The following FGD5 variants were observed in gnomAD, a reference collection of about 807,000 sequenced individuals.
FGD5 encodes FYVE, RhoGEF and PH domain containing 5.
In FGD5, 28 loss-of-function variants were observed where a neutral mutation model predicts 133.4. The ratio of observed to expected loss-of-function variants is 0.21; its 90% confidence interval spans 0.16 to 0.29. The LOEUF is 0.29. Among genes scored for constraint, FGD5 ranks in the 10% least tolerant of loss-of-function variants. FGD5 has a pLI of 1.00. For missense variants in FGD5, 1,858 were observed against 1,895.2 expected (o/e 0.98, Z 0.36); for synonymous variants, 810 against 776.5 (o/e 1.04, Z -0.72).
chr3:14,921,355 C>T (rs1425301480), intron 13 of FGD5: 4 of 158,198 alleles, frequency 2.5e-5, no homozygotes, highest in African/African-American at 9.6e-5. Flanking sequence ...GAACTTCACC[C>T]AGCTAGCTGG....
chr3:14,880,875 A>C (rs370331716), intron 4 of FGD5, 103 bp downstream of exon 4: 1 of 1,460,958 alleles, frequency 6.8e-7, no homozygotes, highest in East Asian at 2.4e-5. Context: ...TTCCATTAAC[A>C]GAGGCCTGGC....
At chr3:14,871,130 T>C (rs1338667436) in intron 2 of FGD5, among the ~76,000 whole-genome samples, 1 of 152,226 alleles carries the variant, frequency 6.6e-6, no homozygotes, top group Non-Finnish European at 1.5e-5. Flanking sequence ...TCCTAGATCT[T>C]CTGCCATACT....
chr3:14,835,373 G>A (rs1335736628), intron 1 of FGD5, among the ~76,000 whole-genome samples: 4 of 152,130 alleles, frequency 2.6e-5, no homozygotes, highest in African/African-American at 7.2e-5. Flanking sequence ...GGTGGTGCAT[G>A]CCTGTAGTTC....
chr3:14,876,874 G>C (rs991558079), intron 2 of FGD5, among the ~76,000 whole-genome samples: 1 of 152,224 alleles, frequency 6.6e-6, no homozygotes, highest in Non-Finnish European at 1.5e-5. Context: ...TTGACTCTTT[G>C]TGTGACCCGC....
intron 4 of FGD5, among the ~76,000 whole-genome samples, chr3:14,886,674 G>C (rs934322919): frequency 6.6e-6 from 1 of 152,168 alleles, no homozygotes; most frequent in Non-Finnish European, 1.5e-5. Flanking sequence ...TTCCCTGTTT[G>C]AAATTACCTA....
intron 13 of FGD5, chr3:14,920,566 C>G (rs2038656475): frequency 6.6e-6 from 1 of 152,182 alleles, no homozygotes. Flanking sequence ...CGTTGTTGTG[C>G]TCTCCAGGAG....
chr3:14,830,500 T>G (rs564815609), intron 1 of FGD5, among the ~76,000 whole-genome samples: 1 of 152,312 alleles, frequency 6.6e-6, no homozygotes, highest in East Asian at 1.9e-4. Flanking sequence ...GTAGATAAGA[T>G]CCTGATTAAG....
intron 11 of FGD5, among the ~76,000 whole-genome samples, chr3:14,911,813 G>A (rs1378943954): frequency 6.7e-6 from 1 of 149,630 alleles, no homozygotes; most frequent in Non-Finnish European, 1.5e-5. Flanking sequence ...AGAGGACTAA[G>A]GAGGGCCAGG....
chr3:14,897,892 G>A (rs1403304460), intron 5 of FGD5, 47 bp from the exon 6 acceptor site: 1 of 1,611,294 alleles, frequency 6.2e-7, no homozygotes, highest in Admixed American at 1.7e-5. Context: ...CCCTGCGTTG[G>A]TTACAAGGCT....
At position 14,926,219 on chromosome 3, in the gene FGD5, C is replaced by T. The variant is rs368890703; in HGVS notation, c.4197+21C>T. 3 of 1,611,472 alleles carry T rather than the reference C, an allele frequency of 1.9e-6. No homozygotes were observed. In the African/African-American group the frequency reaches 4.0e-5, roughly 22 times the overall value. Reference sequence around the variant, plus strand: ...GTGAGGTAGTAGTGATCTGCACTCTCTCCCCTCTCCTCTCTCCTGTGAAAT... The same window carrying T: ...GTGAGGTAGTAGTGATCTGCACTCTTTCCCCTCTCCTCTCTCCTGTGAAAT... On this transcript the variant is annotated intron_variant, in intron 18 of 19. Coordinates refer to ENST00000285046, the MANE Select transcript of FGD5 (RefSeq NM_152536.4).
rs1394906106 is a variant in FGD5, at chr3:14,933,209, A to G, written c.*42A>G. 1.9e-6 allele frequency: 3 copies of G among 1,604,152 alleles called. No individual in the cohort carries two copies. Among genetic ancestry groups the G allele is most frequent in the Non-Finnish European group, 1.7e-6 (2 of 1,174,110 alleles). On this transcript the variant is annotated 3_prime_UTR_variant, in exon 20 of 20. Coordinates refer to ENST00000285046, the MANE Select transcript of FGD5 (RefSeq NM_152536.4). ...GGACTTGTAACAAATTCTTAGGTCAATATGTGAATGCTTTTAGAAGCTAAG... is the reference window on the plus strand; with the variant it reads ...GGACTTGTAACAAATTCTTAGGTCAGTATGTGAATGCTTTTAGAAGCTAAG...
chr3:14,903,450 CCACT>C (rs2038281796), intron 9 of FGD5, among the ~76,000 whole-genome samples: 1 of 150,966 alleles, frequency 6.6e-6, no homozygotes, highest in Admixed American at 6.6e-5. Flanking sequence ...TGCGCTGCAC[CCACT>C]AACTCGTCAT....
rs778952786 is a variant in FGD5, at chr3:14,864,101, A to T, written c.2526-27A>T. 8 of 1,604,354 alleles carry T rather than the reference A, an allele frequency of 5.0e-6. No homozygotes were observed. In the African/African-American group the frequency reaches 9.4e-5, roughly 19 times the overall value. On this transcript the variant is annotated intron_variant, in intron 1 of 19. Coordinates refer to ENST00000285046, the MANE Select transcript of FGD5 (RefSeq NM_152536.4). The stretch of plus-strand genomic sequence containing the variant: ...TGCCTATGCTAAACAAAAAGCTTTA[A>T]CCCTTCTTTCCCCTGCTTTGACCCA...
intron 19 of FGD5, 88 bp downstream of exon 19, chr3:14,932,819 C>T: frequency 6.8e-7 from 1 of 1,463,320 alleles, no homozygotes; most frequent in Non-Finnish European, 9.3e-7. Context: ...CTGTTCTGCT[C>T]CATTCATCCT....
At position 14,932,734 on chromosome 3, in the gene FGD5, A is replaced by G. The variant is rs748204142; in HGVS notation, c.4352+3A>G. The G allele has an allele frequency of 1.1e-5, 17 of 1,610,824 alleles. No individual in the cohort carries two copies. Among genetic ancestry groups the G allele is most frequent in the Non-Finnish European group, 1.4e-5 (17 of 1,179,062 alleles). ...GAAGATACCAATTCAGCTCAGAGGT[A>G]CGAAAAGAACTAATTAGTCTTATAG... On this transcript the variant is annotated splice_donor_region_variant and intron_variant, in intron 19 of 19. Transcript: ENST00000285046.
intron 1 of FGD5, among the ~76,000 whole-genome samples, chr3:14,825,462 C>T (rs532806642): frequency 6.7e-6 from 1 of 149,170 alleles, no homozygotes; most frequent in African/African-American, 2.5e-5. Flanking sequence ...CCCATCTCTA[C>T]ATATATATAT....
At position 14,880,631 on chromosome 3, in the gene FGD5, G is replaced by C; in HGVS notation, c.2717+1G>C. 1 of 1,614,006 alleles carries C rather than the reference G, an allele frequency of 6.2e-7. No individual in the cohort carries two copies. On this transcript the variant is annotated splice_donor_variant, in intron 3 of 19. Coordinates refer to ENST00000285046, the MANE Select transcript of FGD5 (RefSeq NM_152536.4). LOFTEE classifies it high-confidence loss of function. ...AGGAACTGCTATCTTCAGAGAAAGC[G>C]TGAGTCCCCAAGGAGCTGCCTGTGG...
intron 1 of FGD5, among the ~76,000 whole-genome samples, chr3:14,856,042 G>T (rs901740964): frequency 9.9e-5 from 15 of 152,002 alleles, no homozygotes; most frequent in Admixed American, 7.2e-4. Context: ...CCCTTTTGAG[G>T]TTGATTTTTT....
chr3:14,897,936 C>T lies in FGD5; in HGVS notation c.2910-3C>T, dbSNP rs771207437. ...ACTGTCCCATCCCCATTCCTGGCTGCAGGGAGAGCCAGCAGAAGGTAGCTG... is the reference window on the plus strand; with the variant it reads ...ACTGTCCCATCCCCATTCCTGGCTGTAGGGAGAGCCAGCAGAAGGTAGCTG... On this transcript the variant is annotated splice_region_variant and splice_polypyrimidine_tract_variant and intron_variant, in intron 5 of 19. Transcript: ENST00000285046. 8 of 1,613,910 alleles carry T rather than the reference C, an allele frequency of 5.0e-6. No homozygotes were observed. The highest frequency in any genetic ancestry group is 1.7e-5 in the Admixed American group (1 of 60,020).
Sources: gnomAD v4.1 joint callset for allele counts (sites outside exome capture counted in the v4.1 genomes callset) on GRCh38, gnomAD v4.1.1 for gene constraint, MANE v1.5 for transcripts, NCBI Gene and HGNC (gene_info 2026-07-23, HGNC 2026-07-21) for gene names.